Variants in SAMD12 observed in about 807,000 individuals in gnomAD.
SAMD12 encodes sterile alpha motif domain containing 12, also known as sterile alpha motif domain-containing protein 12.
A neutral mutation model predicts 15.0 loss-of-function variants in SAMD12; 9 were observed. The observed-to-expected ratio is 0.60, with a 90% CI of 0.36 to 1.05. The LOEUF is 1.05. Ranked by LOEUF, SAMD12 falls within the 50% of genes least tolerant of loss-of-function variation. The probability of loss-of-function intolerance (pLI) is 0.01; values close to 1 mark genes in which losing one functional copy is unlikely to be tolerated. For missense variants in SAMD12, 230 were observed against 234.2 expected (o/e 0.98, Z 0.12); for synonymous variants, 86 against 90.1 (o/e 0.96, Z 0.25).
chr8:118,139,499 C>T, the SAMD12 span, among the ~76,000 whole-genome samples: 1 of 152,168 alleles, frequency 6.6e-6, no homozygotes, highest in East Asian at 1.9e-4. Context: ...GCTGGGACTA[C>T]AGATATGTGC....
chr8:118,269,216 C>CTG (rs1813279793), intron 4 of SAMD12, among the ~76,000 whole-genome samples: 1 of 116,908 alleles, frequency 8.6e-6, no homozygotes, highest in South Asian at 3.0e-4. Flanking sequence ...CTCTCTCTCT[C>CTG]TCTCTGTGTG....
At chr8:118,287,091 C>T (rs1814066940) in intron 4 of SAMD12, among the ~76,000 whole-genome samples, 2 of 151,716 alleles carry the variant, frequency 1.3e-5, no homozygotes, top group Non-Finnish European at 2.9e-5. Flanking sequence ...AAACTTAGTA[C>T]CTAGAAACAA....
At chr8:118,459,871 CAT>C (rs751999901) in intron 2 of SAMD12, among the ~76,000 whole-genome samples, 1 of 152,206 alleles carries the variant, frequency 6.6e-6, no homozygotes, top group Non-Finnish European at 1.5e-5. Flanking sequence ...CTTGCCCACA[CAT>C]GACTTACATT....
At chr8:118,229,805 G>A (rs1022007468) in intron 4 of SAMD12, among the ~76,000 whole-genome samples, 1 of 152,126 alleles carries the variant, frequency 6.6e-6, no homozygotes, top group African/African-American at 2.4e-5. Context: ...TCCCCGGAAT[G>A]AGAGGCCACA....
At chr8:118,447,812 G>T (rs758278547) in intron 2 of SAMD12, among the ~76,000 whole-genome samples, 1 of 150,928 alleles carries the variant, frequency 6.6e-6, no homozygotes, top group Admixed American at 6.6e-5. Context: ...TTCAAGCTCC[G>T]CCTCCCGGGT....
At chr8:118,311,500 C>T (rs1815630256) in intron 4 of SAMD12, among the ~76,000 whole-genome samples, 1 of 152,160 alleles carries the variant, frequency 6.6e-6, no homozygotes, top group African/African-American at 2.4e-5. Flanking sequence ...AGAAAGTTTG[C>T]TGATCCCTGT....
At chr8:118,184,373 C>T in the SAMD12 span, among the ~76,000 whole-genome samples, 1 of 152,226 alleles carries the variant, frequency 6.6e-6, no homozygotes, top group Non-Finnish European at 1.5e-5. Flanking sequence ...CTCTTCCTTC[C>T]TGCCTCCACC....
chr8:118,498,241 T>C (rs975693885), intron 2 of SAMD12, among the ~76,000 whole-genome samples: 4 of 152,184 alleles, frequency 2.6e-5, no homozygotes, highest in African/African-American at 9.7e-5. Context: ...ACAGGAACAG[T>C]CTCAGCTTAA....
chr8:118,512,664 C>T (rs1825119494), intron 2 of SAMD12, among the ~76,000 whole-genome samples: 1 of 152,208 alleles, frequency 6.6e-6, no homozygotes, highest in Non-Finnish European at 1.5e-5. Flanking sequence ...AATAATATTA[C>T]TAAAACACTG....
intron 2 of SAMD12, among the ~76,000 whole-genome samples, chr8:118,477,364 C>T (rs1455039449): frequency 2.6e-5 from 4 of 152,130 alleles, no homozygotes; most frequent in Admixed American, 2.0e-4. Flanking sequence ...TTGCGCTCGA[C>T]CTCTGCGGCC....
chr8:118,585,160 T>C (rs1362637240), intron 1 of SAMD12, among the ~76,000 whole-genome samples: 1 of 152,198 alleles, frequency 6.6e-6, no homozygotes, highest in Non-Finnish European at 1.5e-5. Flanking sequence ...TGCATGAACC[T>C]TGAAGACATT....
chr8:118,576,240 G>A (rs1312435769), intron 2 of SAMD12, among the ~76,000 whole-genome samples: 1 of 152,166 alleles, frequency 6.6e-6, no homozygotes, highest in Non-Finnish European at 1.5e-5. Flanking sequence ...TGGCTAGCAT[G>A]ACCAAAGAAA....
In SAMD12 at chr8:118,621,860, G is replaced by C. The variant is rs1247346801; in HGVS notation, c.-44C>G. The C allele has an allele frequency of 3.7e-6, 6 of 1,609,012 alleles. No individual in the cohort carries two copies. Among genetic ancestry groups the C allele is most frequent in the Non-Finnish European group, 5.1e-6 (6 of 1,175,504 alleles). ...ACGCATGCATAATTTTCTTGGCCGAGGTACTCCTCCTGCCCCGCGCTCCCC... is the reference window on the plus strand; with the variant it reads ...ACGCATGCATAATTTTCTTGGCCGACGTACTCCTCCTGCCCCGCGCTCCCC... On this transcript the variant is annotated 5_prime_UTR_variant, in exon 1 of 4. Transcript: ENST00000314727.
At chr8:118,281,174 A>T (rs1813633146) in intron 4 of SAMD12, among the ~76,000 whole-genome samples, 1 of 152,232 alleles carries the variant, frequency 6.6e-6, no homozygotes. Context: ...AATTGAAAGG[A>T]TCCTTAGATA....
the SAMD12 span, among the ~76,000 whole-genome samples, chr8:118,148,358 A>G: frequency 4.1e-3 from 624 of 152,312 alleles, 4 homozygotes; most frequent in African/African-American, 0.015. Context: ...ATCTAGAGGG[A>G]AACTATTAAT....
At chr8:118,501,609 T>TG (rs1824784319) in intron 2 of SAMD12, among the ~76,000 whole-genome samples, 1 of 152,200 alleles carries the variant, frequency 6.6e-6, no homozygotes, top group African/African-American at 2.4e-5. Context: ...CCACATATGA[T>TG]GATGGGTTAG....
At chr8:118,548,004 G>A (rs115004755) in intron 2 of SAMD12, among the ~76,000 whole-genome samples, 233 of 152,212 alleles carry the variant, frequency 1.5e-3, no homozygotes, top group African/African-American at 5.5e-3. Flanking sequence ...AAGGTCACTC[G>A]AGGTTACCAA....
chr8:118,541,860 T>A (rs1198720117), intron 2 of SAMD12, among the ~76,000 whole-genome samples: 1 of 152,210 alleles, frequency 6.6e-6, no homozygotes, highest in African/African-American at 2.4e-5. Context: ...TCTTTCTTTT[T>A]AAAATTTTTT....
intron 2 of SAMD12, among the ~76,000 whole-genome samples, chr8:118,460,968 C>T (rs1823402328): frequency 6.6e-6 from 1 of 152,192 alleles, no homozygotes. Context: ...AAATGCCTGC[C>T]CCTTTTCTGC....
Sources: allele counts gnomAD v4.1 joint callset (sites outside exome capture counted in the v4.1 genomes callset), GRCh38; gene constraint gnomAD v4.1.1; transcripts MANE v1.5; gene names NCBI Gene and HGNC (gene_info 2026-07-23, HGNC 2026-07-21).